Variants in SBF2 observed in about 807,000 individuals in gnomAD.
SBF2 encodes the protein myotubularin-related protein 13.
SBF2 carries 112 observed loss-of-function variants against 225.2 expected under a neutral mutation model. That is an observed-to-expected ratio of 0.50 (90% CI 0.43 to 0.58). The LOEUF (loss-of-function observed/expected upper bound fraction) is 0.58, where lower values mean the gene tolerates loss of function less well. Among genes scored for constraint, SBF2 ranks in the 20% least tolerant of loss-of-function variants. SBF2 has a pLI of 0.00. For missense variants in SBF2, 1,996 were observed against 2,206.2 expected, an observed-to-expected ratio of 0.90 and a Z score of 1.91; for synonymous variants, 763 against 773.3, an observed-to-expected ratio of 0.99 and a Z score of 0.22.
At chr11:10,230,505 G>C (rs1958795580) in intron 1 of SBF2, among the ~76,000 whole-genome samples, 1 of 152,144 alleles carries the variant, frequency 6.6e-6, no homozygotes, top group African/African-American at 2.4e-5. Flanking sequence ...GGGCAGGCCT[G>C]GTGGCGACAA....
At chr11:9,798,602 C>A (rs1191247266) in intron 32 of SBF2, among the ~76,000 whole-genome samples, 1 of 152,190 alleles carries the variant, frequency 6.6e-6, no homozygotes, top group Non-Finnish European at 1.5e-5. Context: ...AGAGTTCTTT[C>A]CACTGAACCA....
At chr11:10,216,890 A>C (rs1219586930) in intron 1 of SBF2, among the ~76,000 whole-genome samples, 2 of 152,210 alleles carry the variant, frequency 1.3e-5, no homozygotes, top group Non-Finnish European at 2.9e-5. Flanking sequence ...TTTTTAAAAA[A>C]AAGTAGAAAG....
At chr11:10,230,957 T>G (rs932770599) in intron 1 of SBF2, among the ~76,000 whole-genome samples, 1 of 152,206 alleles carries the variant, frequency 6.6e-6, no homozygotes, top group Non-Finnish European at 1.5e-5. Context: ...CAATCAGACA[T>G]AGATTTGGTC....
chr11:10,096,424 T>TAAA (rs563258126), intron 2 of SBF2, among the ~76,000 whole-genome samples: 8,748 of 125,926 alleles, frequency 0.069, 673 homozygotes, highest in East Asian at 0.18. Flanking sequence ...CAAAGTTCTG[T>TAAA]AAAAAAAAAA....
chr11:10,140,399 C>T (rs1481476897), intron 2 of SBF2, among the ~76,000 whole-genome samples: 6 of 152,232 alleles, frequency 3.9e-5, no homozygotes, highest in Admixed American at 2.6e-4. Flanking sequence ...ATCAATCATG[C>T]CTACACAATG....
chr11:10,063,846 C>G (rs992783180), intron 2 of SBF2, among the ~76,000 whole-genome samples: 198 of 136,936 alleles, frequency 1.4e-3, no homozygotes, highest in African/African-American at 4.7e-3. Flanking sequence ...CACACACACA[C>G]ACACACACAC....
chr11:10,019,318 T>C (rs1356465801), intron 6 of SBF2, among the ~76,000 whole-genome samples: 2 of 152,210 alleles, frequency 1.3e-5, no homozygotes, highest in Non-Finnish European at 2.9e-5. Flanking sequence ...GGTAAGCACA[T>C]GGTACACGTG....
At chr11:9,870,490 T>C (rs1044475999) in intron 17 of SBF2, among the ~76,000 whole-genome samples, 2 of 152,144 alleles carry the variant, frequency 1.3e-5, no homozygotes, top group Non-Finnish European at 2.9e-5. Flanking sequence ...CAGCATGGTA[T>C]TGGTACCAAA....
chr11:10,098,409 T>C (rs1952122041), intron 2 of SBF2, among the ~76,000 whole-genome samples: 1 of 150,992 alleles, frequency 6.6e-6, no homozygotes, highest in Non-Finnish European at 1.5e-5. Context: ...AGCCAGTCAC[T>C]ACAGAGCAAA....
chr11:9,887,223 GTAAT>G (rs925026415), intron 17 of SBF2, among the ~76,000 whole-genome samples: 2 of 151,310 alleles, frequency 1.3e-5, no homozygotes, highest in Non-Finnish European at 2.9e-5. Context: ...TTAAAAATTA[GTAAT>G]TATTATAAAA....
At chr11:9,858,430 C>T in intron 17 of SBF2, 34 bp from the exon 18 acceptor site, 1 of 1,609,458 alleles carries the variant, frequency 6.2e-7, no homozygotes, top group Non-Finnish European at 8.5e-7. Flanking sequence ...CATCATGGGG[C>T]TGGCAGAATT....
At chr11:10,045,433 G>A (rs1590827828) in intron 2 of SBF2, among the ~76,000 whole-genome samples, 1 of 152,024 alleles carries the variant, frequency 6.6e-6, no homozygotes, top group African/African-American at 2.4e-5. Context: ...TCCCAAAGTG[G>A]TGGGATTACA....
rs148438443 is a variant in SBF2, at chr11:10,154,875, C to G, written c.141+39027G>C. ...GGATTCAGTCTCAGTGACAGCTGAT[C>G]TATTTCTAGTTCACCAATACACATA... On this transcript the variant is annotated intron_variant, in intron 2 of 39. Coordinates refer to ENST00000256190, the MANE Select transcript of SBF2 (RefSeq NM_030962.4). Among the ~76,000 whole-genome samples, 52 of 152,244 alleles carry G rather than the reference C, an allele frequency of 3.4e-4. 1 individual carries two copies. The East Asian group carries it at 8.7e-3, about 25-fold the overall frequency.
At chr11:10,068,384 C>CT (rs907165020) in intron 2 of SBF2, among the ~76,000 whole-genome samples, 3 of 152,164 alleles carry the variant, frequency 2.0e-5, no homozygotes, top group African/African-American at 7.2e-5. Flanking sequence ...TACCACTGAC[C>CT]TGACCATTTT....
At chr11:9,864,505 G>A (rs998621633) in intron 17 of SBF2, among the ~76,000 whole-genome samples, 3 of 152,112 alleles carry the variant, frequency 2.0e-5, no homozygotes, top group African/African-American at 7.2e-5. Context: ...TCTTGCCTCA[G>A]CCTCCTGTGT....
chr11:9,959,908 G>C, intron 16 of SBF2: 1 of 357,554 alleles, frequency 2.8e-6, no homozygotes, highest in South Asian at 2.7e-5. Context: ...CCCATTCTCG[G>C]CTCTGCCTTT....
At chr11:10,110,498 C>G (rs1056781880) in intron 2 of SBF2, among the ~76,000 whole-genome samples, 7 of 152,044 alleles carry the variant, frequency 4.6e-5, no homozygotes, top group African/African-American at 1.4e-4. Flanking sequence ...CTAAAATAAA[C>G]TTCTATGCAC....
rs1417098334 is a variant in SBF2 at position 10,170,531 on chromosome 11, T to C, written c.141+23371A>G. ...AACATGCTATTTTGGTTACTATAGC[T>C]CTGTAGTTTAATTTGAAGTCAGATA... On this transcript the variant is annotated intron_variant, in intron 2 of 39. Coordinates refer to ENST00000256190, the MANE Select transcript of SBF2 (RefSeq NM_030962.4). 3.9e-5 allele frequency among the ~76,000 whole-genome samples: 6 copies of C among 152,294 alleles called. No homozygotes were observed. In the South Asian group the frequency reaches 1.0e-3, roughly 26 times the overall value.
chr11:9,816,321 C>G (rs1436558004), intron 29 of SBF2, among the ~76,000 whole-genome samples: 1 of 152,120 alleles, frequency 6.6e-6, no homozygotes, highest in African/African-American at 2.4e-5. Flanking sequence ...GGACATGTGT[C>G]TCTTTCTATA....
Sources: gnomAD v4.1 joint callset for allele counts (sites outside exome capture counted in the v4.1 genomes callset) on GRCh38, gnomAD v4.1.1 for gene constraint, MANE v1.5 for transcripts, NCBI Gene and HGNC (gene_info 2026-07-23, HGNC 2026-07-21) for gene names.